NELL1: variants seen among roughly 807,000 people sequenced by gnomAD.
NELL1 encodes protein kinase C-binding protein NELL1.
NELL1 carries 76 observed loss-of-function variants against 107.4 expected under a neutral mutation model. That is an observed-to-expected ratio of 0.71 (90% CI 0.59 to 0.86). The LOEUF (loss-of-function observed/expected upper bound fraction) is 0.86, where lower values mean the gene tolerates loss of function less well. Ranked by LOEUF, NELL1 falls within the 40% of genes least tolerant of loss-of-function variation. The pLI, the probability that NELL1 is intolerant of heterozygous loss-of-function variation, is 0.00. For missense variants in NELL1, 1,024 were observed against 1,005.5 expected, an observed-to-expected ratio of 1.02 and a Z score of -0.25; for synonymous variants, 353 against 341.2, an observed-to-expected ratio of 1.03 and a Z score of -0.38.
intron 2 of NELL1, among the ~76,000 whole-genome samples, chr11:20,680,463 T>A (rs1189334643): frequency 6.6e-6 from 1 of 152,096 alleles, no homozygotes; most frequent in Non-Finnish European, 1.5e-5. Flanking sequence ...GTGGGTATAA[T>A]CCATTTTGGG....
At chr11:21,108,873 A>T (rs1855035915) in intron 12 of NELL1, among the ~76,000 whole-genome samples, 1 of 152,170 alleles carries the variant, frequency 6.6e-6, no homozygotes, top group South Asian at 2.1e-4. Flanking sequence ...TTGCACACGG[A>T]TATAGAATTT....
chr11:21,393,220 A>C (rs2133786275), intron 15 of NELL1, among the ~76,000 whole-genome samples: 1 of 151,812 alleles, frequency 6.6e-6, no homozygotes, highest in South Asian at 2.1e-4. Context: ...CAACTTCATT[A>C]ATGATCTGGA....
chr11:20,797,733 G>C (rs1250540007), intron 3 of NELL1, among the ~76,000 whole-genome samples: 1 of 152,122 alleles, frequency 6.6e-6, no homozygotes, highest in Non-Finnish European at 1.5e-5. Context: ...GATAGAGAAG[G>C]AGGAGTCAAG....
intron 2 of NELL1, among the ~76,000 whole-genome samples, chr11:20,748,591 A>T (rs1486701873): frequency 1.3e-5 from 2 of 151,924 alleles, no homozygotes; most frequent in African/African-American, 4.8e-5. Flanking sequence ...TCCAAAATTT[A>T]TTATAAATTT....
intron 14 of NELL1, among the ~76,000 whole-genome samples, chr11:21,357,248 T>A (rs1380436880): frequency 6.6e-6 from 1 of 152,196 alleles, no homozygotes; most frequent in Non-Finnish European, 1.5e-5. Flanking sequence ...TCTATAGTGG[T>A]TGTAATAGTT....
chr11:21,528,759 A>T (rs1447700349), intron 15 of NELL1, among the ~76,000 whole-genome samples: 1 of 152,198 alleles, frequency 6.6e-6, no homozygotes, highest in Non-Finnish European at 1.5e-5. Flanking sequence ...TCAAAGTCAA[A>T]GTCATGTAAC....
chr11:20,985,601 G>T (rs544190307), intron 12 of NELL1, among the ~76,000 whole-genome samples: 1 of 152,284 alleles, frequency 6.6e-6, no homozygotes, highest in South Asian at 2.1e-4. Context: ...CTCAGAGAAT[G>T]TTGGGCCCTT....
intron 3 of NELL1, among the ~76,000 whole-genome samples, chr11:20,787,373 A>T (rs943612114): frequency 6.6e-6 from 1 of 152,204 alleles, no homozygotes; most frequent in African/African-American, 2.4e-5. Context: ...TATTCATTAT[A>T]ACTCTCCTCC....
intron 14 of NELL1, among the ~76,000 whole-genome samples, chr11:21,323,703 G>A (rs10741875): frequency 0.83 from 126,022 of 152,048 alleles, 53,032 homozygotes; most frequent in Middle Eastern, 0.9. Context: ...TCTTTGTCAT[G>A]TTACCCTCTT....
chr11:20,980,718 G>A (rs1405914907), intron 12 of NELL1, among the ~76,000 whole-genome samples: 3 of 151,952 alleles, frequency 2.0e-5, no homozygotes, highest in Non-Finnish European at 4.4e-5. Context: ...TCTTTGCTTT[G>A]CTAATGCCCT....
intron 3 of NELL1, among the ~76,000 whole-genome samples, chr11:20,810,102 G>A (rs935167479): frequency 1.2e-4 from 18 of 151,268 alleles, no homozygotes; most frequent in African/African-American, 4.4e-4. Flanking sequence ...GATTAGTGAT[G>A]TCAAGCTCTT....
intron 13 of NELL1, among the ~76,000 whole-genome samples, chr11:21,177,832 C>T (rs1220465034): frequency 6.6e-6 from 1 of 151,732 alleles, no homozygotes; most frequent in Non-Finnish European, 1.5e-5. Flanking sequence ...GGTAATGTCT[C>T]ATTGTGATTT....
At chr11:20,752,168 A>ATT (rs77971804) in intron 2 of NELL1, among the ~76,000 whole-genome samples, 1 of 11,416 alleles carries the variant, frequency 8.8e-5, no homozygotes, top group Non-Finnish European at 4.2e-4. Flanking sequence ...ATATTTCATC[A>ATT]AGTCTGATGT....
At chr11:21,417,888 T>C (rs1852557934) in intron 15 of NELL1, among the ~76,000 whole-genome samples, 1 of 152,034 alleles carries the variant, frequency 6.6e-6, no homozygotes, top group Non-Finnish European at 1.5e-5. Context: ...AAAACAAGTC[T>C]ATCTTCTCCA....
intron 7 of NELL1, among the ~76,000 whole-genome samples, chr11:20,921,283 A>G (rs1052025549): frequency 3.9e-5 from 6 of 152,156 alleles, no homozygotes; most frequent in Non-Finnish European, 7.4e-5. Flanking sequence ...AGTCAGTAAT[A>G]CAAGCATTTA....
intron 2 of NELL1, among the ~76,000 whole-genome samples, chr11:20,774,722 C>T (rs182342045): frequency 1.3e-4 from 20 of 152,202 alleles, no homozygotes; most frequent in African/African-American, 3.1e-4. Flanking sequence ...AATAAATGAG[C>T]GGATGGGTGG....
chr11:21,463,055 C>A (rs563840612), intron 15 of NELL1, among the ~76,000 whole-genome samples: 49 of 152,144 alleles, frequency 3.2e-4, no homozygotes, highest in Non-Finnish European at 4.7e-4. Flanking sequence ...CTGAATCATT[C>A]TCTAAAACCT....
intron 12 of NELL1, among the ~76,000 whole-genome samples, chr11:21,093,531 G>T (rs1358011974): frequency 6.6e-6 from 1 of 152,106 alleles, no homozygotes; most frequent in East Asian, 1.9e-4. Flanking sequence ...TAGCCATACA[G>T]CCATCTCTGT....
intron 11 of NELL1, among the ~76,000 whole-genome samples, chr11:20,953,558 A>G (rs887634607): frequency 6.6e-6 from 1 of 152,138 alleles, no homozygotes; most frequent in African/African-American, 2.4e-5. Flanking sequence ...ATGAAAGTAA[A>G]TCATTTTACT....
Sources: allele counts gnomAD v4.1 joint callset (sites outside exome capture counted in the v4.1 genomes callset), GRCh38; gene constraint gnomAD v4.1.1; transcripts MANE v1.5; gene names NCBI Gene and HGNC (gene_info 2026-07-23, HGNC 2026-07-21).